Variants in TLL2 observed in about 807,000 individuals in gnomAD.
TLL2 encodes the protein tolloid like 2.
A neutral mutation model predicts 123.0 loss-of-function variants in TLL2; 106 were observed. The ratio of observed to expected loss-of-function variants is 0.86; its 90% CI spans 0.74 to 1.01. The LOEUF (loss-of-function observed/expected upper bound fraction) is 1.01, where lower values mean the gene tolerates loss of function less well. Among genes scored for constraint, TLL2 ranks in the 50% least tolerant of loss-of-function variants. TLL2 has a pLI of 0.00. For missense variants in TLL2, 1,332 were observed against 1,336.7 expected, an observed-to-expected ratio of 1.00 and a Z score of 0.06; for synonymous variants, 494 against 516.8, an observed-to-expected ratio of 0.96 and a Z score of 0.60.
At chr10:96,373,842 G>C in intron 18 of TLL2, 33 bp from the exon 19 acceptor site, 1 of 1,599,940 alleles carries the variant, frequency 6.3e-7, no homozygotes, top group South Asian at 1.1e-5. Context: ...TAAGGCAAGG[G>C]CCTGGCGTTC....
chr10:96,436,485 C>T (rs1337394772), intron 3 of TLL2, among the ~76,000 whole-genome samples: 1 of 152,250 alleles, frequency 6.6e-6, no homozygotes, highest in East Asian at 1.9e-4. Context: ...TAAGGAAAAC[C>T]TCCAGAACTA....
intron 3 of TLL2, among the ~76,000 whole-genome samples, chr10:96,433,587 C>T (rs576671135): frequency 1.3e-5 from 2 of 152,086 alleles, no homozygotes; most frequent in East Asian, 1.9e-4. Flanking sequence ...TGGAATAGAA[C>T]GCTGAAATCC....
chr10:96,428,908 G>A (rs1432649138), intron 4 of TLL2, among the ~76,000 whole-genome samples, 160 bp from the exon 5 acceptor site: 1 of 152,056 alleles, frequency 6.6e-6, no homozygotes, highest in Non-Finnish European at 1.5e-5. Flanking sequence ...GGGTTCAAGC[G>A]ATTCTCCTGC....
chr10:96,393,095 A>G (rs1846304030), intron 13 of TLL2, among the ~76,000 whole-genome samples: 1 of 152,234 alleles, frequency 6.6e-6, no homozygotes, highest in African/African-American at 2.4e-5. Context: ...TAGAAGCTGG[A>G]AAAGGCAAAG....
At chr10:96,373,854 G>C in intron 18 of TLL2, 45 bp from the exon 19 acceptor site, 1 of 1,577,188 alleles carries the variant, frequency 6.3e-7, no homozygotes, top group Non-Finnish European at 8.6e-7. Flanking sequence ...CTGGCGTTCA[G>C]CTGGGGTGGG....
In TLL2 at chr10:96,510,685, A is replaced by G. The variant is rs78994551; in HGVS notation, c.175+2826T>C. ...CTTGTAAGTGGCAGAGTAAATGGTA[A>G]AAATGGTATTAAAAATTGCAAAAGT... On this transcript the variant is annotated intron_variant, in intron 1 of 20. Coordinates refer to ENST00000357947, the MANE Select transcript of TLL2 (RefSeq NM_012465.4). 5.2e-3 allele frequency among the ~76,000 whole-genome samples: 799 copies of G among 152,350 alleles called. 9 individuals carry two copies. The highest frequency in any genetic ancestry group is 0.018 in the African/African-American group (765 of 41,578).
intron 2 of TLL2, among the ~76,000 whole-genome samples, chr10:96,447,613 A>C (rs1846911046): frequency 6.6e-6 from 1 of 152,208 alleles, no homozygotes; most frequent in African/African-American, 2.4e-5. Context: ...GTGGGTAGTG[A>C]CACCAGGGAG....
chr10:96,392,982 G>A (rs1846302776), intron 13 of TLL2, among the ~76,000 whole-genome samples: 1 of 152,222 alleles, frequency 6.6e-6, no homozygotes, highest in African/African-American at 2.4e-5. Flanking sequence ...CGGAGCAGAG[G>A]TCTGTGATGC....
Position 96,386,072 on chromosome 10 carries a change from C to G in TLL2, c.1996G>C (p.Glu666Gln), listed in dbSNP as rs766644367. The part of the protein sequence containing the change: ...YRISLQFEVF[E>Q]LEGNDVCKYD... ...AGACATACGTCATTGCCTTCCAGTTCAAACACTTCAAACTGAAGGGAGATC... is the reference window on the plus strand; with the variant it reads ...AGACATACGTCATTGCCTTCCAGTTGAAACACTTCAAACTGAAGGGAGATC... The change falls in exon 15 of 21, where the codon GAA becomes CAA. Residue 666 changes from glutamate to glutamine, a missense_variant. Glu to Gln is a conservative substitution (Grantham distance 29, BLOSUM62 2). Transcript: ENST00000357947. 7.5e-6 allele frequency: 12 copies of G among 1,604,658 alleles called. No homozygotes were observed. The East Asian group carries it at 2.7e-4, about 36-fold the overall frequency.
intron 1 of TLL2, among the ~76,000 whole-genome samples, chr10:96,487,306 G>T (rs2134107570): frequency 6.6e-6 from 1 of 152,200 alleles, no homozygotes; most frequent in South Asian, 2.1e-4. Context: ...GCTCCTCCTG[G>T]TTCCTGTCTC....
chr10:96,473,039 G>T (rs986927599), intron 2 of TLL2, among the ~76,000 whole-genome samples: 2 of 144,310 alleles, frequency 1.4e-5, no homozygotes, highest in African/African-American at 5.3e-5. Context: ...TTAGAATGTG[G>T]TTCCATCAGC....
intron 2 of TLL2, among the ~76,000 whole-genome samples, chr10:96,469,369 C>A (rs1034550675): frequency 2.0e-5 from 3 of 152,256 alleles, no homozygotes; most frequent in East Asian, 1.9e-4. Flanking sequence ...AAGAACCAGT[C>A]GCTCTTGCCT....
intron 1 of TLL2, among the ~76,000 whole-genome samples, chr10:96,481,583 A>T (rs563681808): frequency 2.4e-4 from 37 of 152,334 alleles, no homozygotes; most frequent in African/African-American, 7.7e-4. Context: ...AAAGGAAGTC[A>T]TCTCTATGTT....
chr10:96,468,750 G>A (rs1357230886), intron 2 of TLL2, among the ~76,000 whole-genome samples: 10 of 152,154 alleles, frequency 6.6e-5, no homozygotes, highest in African/African-American at 2.4e-4. Flanking sequence ...GCCCCACCTG[G>A]CCCTGCACCC....
Position 96,386,120 on chromosome 10 carries a change from C to A in TLL2, c.1948G>T (p.Val650Leu), listed in dbSNP as rs1846232800. The A allele has an allele frequency of 1.2e-6, 2 of 1,613,202 alleles. No homozygotes were observed. Among genetic ancestry groups the A allele is most frequent in the South Asian group, 1.1e-5 (1 of 90,898 alleles). The change falls in exon 15 of 21, where the codon GTG becomes TTG. Residue 650 changes from valine (V) to leucine (L), a missense_variant. Coordinates refer to ENST00000357947, the MANE Select transcript of TLL2 (RefSeq NM_012465.4). Reference protein sequence around the residue: ...YPTNKNCVWQVVAPAQYRISL... With the variant: ...YPTNKNCVWQLVAPAQYRISL... Reference sequence around the variant, plus strand: ...ATCCGGTACTGAGCGGGGGCCACCACCTGCCAGACACAGTTTTTGTTTGTG... The same window carrying A: ...ATCCGGTACTGAGCGGGGGCCACCAACTGCCAGACACAGTTTTTGTTTGTG...
intron 20 of TLL2, among the ~76,000 whole-genome samples, chr10:96,369,779 G>T (rs1420354131): frequency 1.3e-5 from 2 of 151,848 alleles, no homozygotes; most frequent in Non-Finnish European, 2.9e-5. Flanking sequence ...AAAAAAGGAG[G>T]GGAGAGGGAA....
chr10:96,443,673 G>C (rs1472346797), intron 3 of TLL2, among the ~76,000 whole-genome samples: 1 of 152,220 alleles, frequency 6.6e-6, no homozygotes, highest in Non-Finnish European at 1.5e-5. Flanking sequence ...AGAAAAATGA[G>C]TGTGGCATCT....
chr10:96,374,011 G>C (rs1361153326), intron 18 of TLL2: 1 of 579,574 alleles, frequency 1.7e-6, no homozygotes, highest in Non-Finnish European at 3.1e-6. Context: ...GGTCCAGCAA[G>C]TGGCCCTATG....
chr10:96,476,240 A>ATTTTTTTTTTTTT (rs1554939630), intron 2 of TLL2, among the ~76,000 whole-genome samples: 3 of 20,496 alleles, frequency 1.5e-4, no homozygotes, highest in Non-Finnish European at 2.0e-4. Flanking sequence ...ATATATATAT[A>ATTTTTTTTTTTTT]TTTTATTTTT....
Sources: allele counts gnomAD v4.1 joint callset (sites outside exome capture counted in the v4.1 genomes callset), GRCh38; gene constraint gnomAD v4.1.1; transcripts MANE v1.5; gene names NCBI Gene and HGNC (gene_info 2026-07-23, HGNC 2026-07-21).